The following LARP4B variants were observed in gnomAD, a reference collection of about 807,000 sequenced individuals.
LARP4B encodes La ribonucleoprotein 4B.
In LARP4B, 12 loss-of-function variants were observed where a neutral mutation model predicts 89.8. The ratio of observed to expected loss-of-function variants is 0.13; its 90% CI spans 0.09 to 0.22. The LOEUF is 0.22. Among genes scored for constraint, LARP4B ranks in the 10% least tolerant of loss-of-function variants. The probability of loss-of-function intolerance (pLI) is 1.00; values close to 1 mark genes in which losing one functional copy is unlikely to be tolerated. For missense variants in LARP4B, 757 were observed against 947.7 expected, an observed-to-expected ratio of 0.80 and a Z score of 2.64; for synonymous variants, 367 against 363.3, an observed-to-expected ratio of 1.01 and a Z score of -0.12.
chr10:827,065 G>A (rs952017628), intron 11 of LARP4B, among the ~76,000 whole-genome samples: 2 of 152,172 alleles, frequency 1.3e-5, no homozygotes, highest in African/African-American at 2.4e-5. Flanking sequence ...CAAAAGGTCA[G>A]GAGATCAAGA....
the LARP4B span, among the ~76,000 whole-genome samples, chr10:943,166 T>C: frequency 1.3e-5 from 2 of 152,222 alleles, no homozygotes; most frequent in Admixed American, 6.5e-5. Context: ...AGGTTGGTCT[T>C]GAACTCCTGA....
chr10:815,323 T>C (rs940786567), intron 15 of LARP4B: 3 of 318,908 alleles, frequency 9.4e-6, no homozygotes, highest in Non-Finnish European at 1.7e-5. Flanking sequence ...CCCGCAATGA[T>C]GATCTACAAG....
intron 13 of LARP4B, 44 bp from the exon 14 acceptor site, chr10:820,889 G>A (rs559266970): frequency 6.3e-7 from 1 of 1,578,912 alleles, no homozygotes; most frequent in Admixed American, 1.7e-5. Flanking sequence ...TTTCCCACTT[G>A]GAGAATTTAT....
chr10:816,851 G>A (rs1832088638), intron 15 of LARP4B, among the ~76,000 whole-genome samples: 1 of 152,158 alleles, frequency 6.6e-6, no homozygotes. Context: ...TTCTGCCCTA[G>A]GAAGTGAGGA....
chr10:907,058 C>T (rs956100485), intron 1 of LARP4B, among the ~76,000 whole-genome samples: 43 of 152,214 alleles, frequency 2.8e-4, no homozygotes, highest in African/African-American at 1.0e-3. Context: ...CATCCTCCCA[C>T]AAAGCCTTGG....
intron 1 of LARP4B, among the ~76,000 whole-genome samples, chr10:912,472 C>T (rs571416596): frequency 5.3e-5 from 8 of 152,162 alleles, no homozygotes; most frequent in South Asian, 2.1e-4. Context: ...GTATTAGGCC[C>T]TAGAAACTGC....
At position 814,973 on chromosome 10, in the gene LARP4B, C is replaced by T. The variant is rs777685301; in HGVS notation, c.1793G>A (p.Arg598Gln). ...ASCAVSATYE[R>Q]SPSPAHLPDD... ...GGGTAAATGAGCTGGGGAGGGGGAT[C>T]GCTCGTACGTTGCTGATACAGCACA... The change falls in exon 16 of 18, where the codon CGA (arginine) becomes CAA (glutamine). Residue 598 changes from arginine to glutamine, a missense_variant. Coordinates refer to ENST00000316157, the MANE Select transcript of LARP4B (RefSeq NM_015155.3). The surrounding 1 kb of genome is among the most constrained non-coding windows in gnomAD (Gnocchi z 4.4). 9 of 1,603,672 alleles carry T rather than the reference C, an allele frequency of 5.6e-6. No individual in the cohort carries two copies. The highest frequency in any genetic ancestry group is 4.0e-5 in the African/African-American group (3 of 74,712).
At position 827,673 on chromosome 10, in the gene LARP4B, C is replaced by T. The variant is rs180820528; in HGVS notation, c.1125+1712G>A. Among the ~76,000 whole-genome samples, 206 of 152,202 alleles carry T rather than the reference C, an allele frequency of 1.4e-3. 1 individual carries two copies. The highest frequency in any genetic ancestry group is 4.6e-3 in the African/African-American group (193 of 41,536). On this transcript the variant is annotated intron_variant, in intron 11 of 17. Transcript: ENST00000316157. The stretch of plus-strand genomic sequence containing the variant: ...AAGGCCATAAGCTGACCCAGAACCC[C>T]AAGGATCCCCGAGAGGGTCAACCAT...
At chr10:855,284 G>A (rs960331190) in intron 5 of LARP4B, among the ~76,000 whole-genome samples, 5 of 152,094 alleles carry the variant, frequency 3.3e-5, no homozygotes, top group African/African-American at 4.8e-5. Context: ...TAACTGTTTG[G>A]CTCCAGAGAC....
At chr10:889,727 A>G (rs1823371176) in intron 1 of LARP4B, among the ~76,000 whole-genome samples, 1 of 152,168 alleles carries the variant, frequency 6.6e-6, no homozygotes, top group African/African-American at 2.4e-5. Flanking sequence ...AGGCGGGCGG[A>G]TCACCTGAGG....
At chr10:874,655 C>A (rs1376384246) in intron 3 of LARP4B, among the ~76,000 whole-genome samples, 1 of 152,170 alleles carries the variant, frequency 6.6e-6, no homozygotes, top group Non-Finnish European at 1.5e-5. Context: ...CAAAATAATT[C>A]TTTTAGTTCC....
At chr10:941,841 T>TC in the LARP4B span, among the ~76,000 whole-genome samples, 1 of 152,070 alleles carries the variant, frequency 6.6e-6, no homozygotes, top group Admixed American at 6.6e-5. Context: ...AGTGGTGTGA[T>TC]CATAGCTCCC....
chr10:935,292 G>A (rs1030013905), upstream of LARP4B, among the ~76,000 whole-genome samples: 2 of 152,192 alleles, frequency 1.3e-5, no homozygotes, highest in African/African-American at 2.4e-5. Flanking sequence ...CAGACGCTGC[G>A]CTGCTCTGGA....
chr10:811,155 G>A lies in LARP4B; in HGVS notation c.*1771C>T, dbSNP rs1371771169. The A allele has an allele frequency of 1.3e-5, 2 of 152,568 alleles. No individual in the cohort carries two copies. The highest frequency in any genetic ancestry group is 2.9e-5 in the Non-Finnish European group (2 of 68,026). The allele number at this position is 152,568 out of a possible 1,614,324, so 9.5% of individuals were successfully genotyped here. ...AATTCCCTTTTGCAGCAAAGAGGCA[G>A]AATCAGTTCAACACACCGATGTAAG... On this transcript the variant is annotated 3_prime_UTR_variant, in exon 18 of 18. Transcript: ENST00000316157.
At chr10:947,133 G>C in the LARP4B span, among the ~76,000 whole-genome samples, 3 of 152,130 alleles carry the variant, frequency 2.0e-5, no homozygotes, top group Admixed American at 1.3e-4. Flanking sequence ...GTCTCCCAAA[G>C]TGCTGGGATT....
At chr10:938,543 G>C in the LARP4B span, among the ~76,000 whole-genome samples, 1 of 152,152 alleles carries the variant, frequency 6.6e-6, no homozygotes, top group African/African-American at 2.4e-5. Context: ...GTGAGCCACC[G>C]CGCCCGGCCG....
At chr10:831,507 G>A (rs547473758) in intron 8 of LARP4B, among the ~76,000 whole-genome samples, 4 of 152,256 alleles carry the variant, frequency 2.6e-5, no homozygotes, top group South Asian at 2.1e-4. Context: ...CCGCAGAGCC[G>A]GCAGGGTAAG....
chr10:971,267 T>G, the LARP4B span: 1 of 152,156 alleles, frequency 6.6e-6, no homozygotes. Context: ...TTGTCACTCT[T>G]AGGTGAATTA....
At chr10:838,310 G>A (rs1170147636) in intron 7 of LARP4B, among the ~76,000 whole-genome samples, 1 of 152,138 alleles carries the variant, frequency 6.6e-6, no homozygotes, top group Non-Finnish European at 1.5e-5. Flanking sequence ...CTTCGTGAAA[G>A]GCAACGTCAA....
Sources: gnomAD v4.1 joint callset for allele counts (sites outside exome capture counted in the v4.1 genomes callset) on GRCh38, gnomAD v4.1.1 for gene constraint, Gnocchi (gnomAD v3.1) non-coding constraint, MANE v1.5 for transcripts, NCBI Gene and HGNC (gene_info 2026-07-23, HGNC 2026-07-21) for gene names.